TRIM44: variants seen among roughly 807,000 people sequenced by gnomAD.
TRIM44 encodes tripartite motif containing 44, also known as tripartite motif-containing protein 44.
In TRIM44, 13 loss-of-function variants were observed where a neutral mutation model predicts 37.4. That is an observed-to-expected ratio of 0.35 (90% confidence interval 0.23 to 0.55). TRIM44 has a LOEUF of 0.55. Ranked by LOEUF, TRIM44 falls within the 20% of genes least tolerant of loss-of-function variation. The probability of loss-of-function intolerance (pLI) is 0.89; values close to 1 mark genes in which losing one functional copy is unlikely to be tolerated. For synonymous variants in TRIM44, 175 were observed against 157.2 expected, an observed-to-expected ratio of 1.11 and a Z score of -0.85; for missense variants, 426 against 437.2, an observed-to-expected ratio of 0.97 and a Z score of 0.23.
At chr11:35,702,788 G>T (rs928248142) in intron 2 of TRIM44, among the ~76,000 whole-genome samples, 1 of 152,198 alleles carries the variant, frequency 6.6e-6, no homozygotes, top group Non-Finnish European at 1.5e-5. Context: ...AAAGATGGCC[G>T]AATAGGAACA....
At chr11:35,717,829 A>AT (rs112299891) in intron 2 of TRIM44, among the ~76,000 whole-genome samples, 150 of 146,248 alleles carry the variant, frequency 1.0e-3, no homozygotes, top group African/African-American at 2.4e-3. Flanking sequence ...TCAGAGCCTC[A>AT]TTTTTTTTTT....
chr11:35,662,961 G>A lies in TRIM44; in HGVS notation c.-151G>A. Reference sequence around the variant, plus strand: ...GCTGCGCCCGGGCAGGGGCTGCCGCGGCCCCAGGTCCCGCTTCGAGACGCG... The same window carrying A: ...GCTGCGCCCGGGCAGGGGCTGCCGCAGCCCCAGGTCCCGCTTCGAGACGCG... On this transcript the variant is annotated 5_prime_UTR_variant, in exon 1 of 5. Coordinates refer to ENST00000299413, the MANE Select transcript of TRIM44 (RefSeq NM_017583.6). 2 of 1,305,442 alleles carry A rather than the reference G, an allele frequency of 1.5e-6. No homozygotes were observed. Among genetic ancestry groups the A allele is most frequent in the African/African-American group, 3.1e-5 (2 of 64,898 alleles). The allele number at this position is 1,305,442 out of a possible 1,614,324, so 80.9% of individuals were successfully genotyped here.
Position 35,663,304 on chromosome 11 carries a change from C to CA in TRIM44, c.194dup (p.Ala66GlyfsTer7). ...TCTGGCCGAATACGTCCACGGCTCCCAGGCCTGGACCCCGCCAGCTGACGG... is the reference window on the plus strand; with the variant it reads ...TCTGGCCGAATACGTCCACGGCTCCCAAGGCCTGGACCCCGCCAGCTGACGG... On this transcript the variant is annotated frameshift_variant, in exon 1 of 5. Transcript: ENST00000299413. LOFTEE classifies it high-confidence loss of function. 2.5e-6 allele frequency: 4 copies of CA among 1,614,096 alleles called. No homozygotes were observed. Among genetic ancestry groups the CA allele is most frequent in the Non-Finnish European group, 3.4e-6 (4 of 1,180,016 alleles).
rs1204820399 is a variant in TRIM44, at chr11:35,816,963, C to T, written c.*10578C>T. On this transcript the variant is annotated 3_prime_UTR_variant, in exon 5 of 5. Transcript: ENST00000299413. ...TTCATAGCCCTCTGTACCACATCCC[C>T]ATGTACTTTTTCATATCAACGGTAA... 1 of 152,152 alleles carries T rather than the reference C, an allele frequency of 6.6e-6. No individual in the cohort carries two copies. The highest frequency in any genetic ancestry group is 1.5e-5 in the Non-Finnish European group (1 of 68,028). The allele number at this position is 152,152 out of a possible 1,614,324, so 9.4% of individuals were successfully genotyped here. A position where few individuals can be genotyped will look rare whatever the true frequency, so the allele number is the denominator to read the frequency against.
chr11:35,759,080 T>A (rs1379850240), intron 4 of TRIM44, among the ~76,000 whole-genome samples: 2 of 152,214 alleles, frequency 1.3e-5, no homozygotes, highest in South Asian at 2.1e-4. Flanking sequence ...TCCTGGATAA[T>A]ATCCTGCAGA....
Position 35,663,602 on chromosome 11 carries a change from A to C in TRIM44, c.491A>C (p.Asp164Ala). ...EGETEAESEF[D>A]PEIEMEAERV... ...GAAACTGAGGCAGAAAGTGAATTTGACCCAGAAATAGAAATGGAAGCAGAG... is the reference window on the plus strand; with the variant it reads ...GAAACTGAGGCAGAAAGTGAATTTGCCCCAGAAATAGAAATGGAAGCAGAG... The change falls in exon 1 of 5, where the codon GAC (aspartate) becomes GCC (alanine). Residue 164 changes from aspartate (D) to alanine (A), a missense_variant. Physicochemically the swap from Asp to Ala is moderately radical, Grantham distance 126. Around this residue, in one of 2 missense-constraint regions of TRIM44, gnomAD observed 331 missense variants for 303.0 expected, o/e 1.09. Coordinates refer to ENST00000299413, the MANE Select transcript of TRIM44 (RefSeq NM_017583.6). 6.2e-7 allele frequency: 1 copy of C among 1,614,112 alleles called. No homozygotes were observed. Among genetic ancestry groups the C allele is most frequent in the Non-Finnish European group, 8.5e-7 (1 of 1,180,036 alleles).
intron 4 of TRIM44, among the ~76,000 whole-genome samples, chr11:35,773,068 A>G (rs1349041894): frequency 6.6e-6 from 1 of 152,182 alleles, no homozygotes; most frequent in Non-Finnish European, 1.5e-5. Context: ...AATAAGGCTC[A>G]CAAGATCTGA....
chr11:35,689,032 G>A (rs1197179900), intron 2 of TRIM44, among the ~76,000 whole-genome samples: 1 of 152,210 alleles, frequency 6.6e-6, no homozygotes, highest in Non-Finnish European at 1.5e-5. Context: ...AGCAGAGGTA[G>A]GAAAGGAGTA....
Position 35,663,036 on chromosome 11 carries a change from G to A in TRIM44, c.-76G>A, listed in dbSNP as rs747076335. 5 of 1,441,728 alleles carry A rather than the reference G, an allele frequency of 3.5e-6. No individual in the cohort carries two copies. In the African/African-American group the frequency reaches 7.1e-5, roughly 21 times the overall value. The allele number at this position is 1,441,728 out of a possible 1,614,324, so 89.3% of individuals were successfully genotyped here. A position where few individuals can be genotyped will look rare whatever the true frequency, so the allele number is the denominator to read the frequency against. On this transcript the variant is annotated 5_prime_UTR_variant, in exon 1 of 5. Transcript: ENST00000299413. ...CCCTAGGAAGGGACCCGGGGCGGGAGGAGGAAGTGAGGCCGCGCGGAAGGA... is the reference window on the plus strand; with the variant it reads ...CCCTAGGAAGGGACCCGGGGCGGGAAGAGGAAGTGAGGCCGCGCGGAAGGA...
At chr11:35,711,870 C>T in intron 2 of TRIM44, among the ~76,000 whole-genome samples, 1 of 152,146 alleles carries the variant, frequency 6.6e-6, no homozygotes, top group East Asian at 1.9e-4. Context: ...ACCTTCCTCC[C>T]CACAAAGTTC....
chr11:35,776,307 C>G (rs1852960810), intron 4 of TRIM44, among the ~76,000 whole-genome samples: 1 of 152,114 alleles, frequency 6.6e-6, no homozygotes, highest in Admixed American at 6.6e-5. Flanking sequence ...GTGGTGATAT[C>G]CTCTTCATCA....
chr11:35,745,987 T>G (rs566865708), intron 4 of TRIM44, among the ~76,000 whole-genome samples: 13 of 152,318 alleles, frequency 8.5e-5, no homozygotes, highest in Non-Finnish European at 1.0e-4. Flanking sequence ...CTGCTGTAGT[T>G]TAGTTCCTTC....
At chr11:35,702,516 G>A (rs2086674122) in intron 2 of TRIM44, among the ~76,000 whole-genome samples, 1 of 152,288 alleles carries the variant, frequency 6.6e-6, no homozygotes, top group East Asian at 1.9e-4. Flanking sequence ...TCTTTATTGA[G>A]CGCCAGCTGT....
chr11:35,774,121 T>C (rs961555902), intron 4 of TRIM44, among the ~76,000 whole-genome samples: 3 of 152,218 alleles, frequency 2.0e-5, no homozygotes, highest in Admixed American at 6.5e-5. Context: ...CTCCACATCC[T>C]CTCCAGCACG....
At chr11:35,788,826 TG>T (rs1402624422) in intron 4 of TRIM44, among the ~76,000 whole-genome samples, 1 of 152,128 alleles carries the variant, frequency 6.6e-6, no homozygotes, top group African/African-American at 2.4e-5. Flanking sequence ...TAAGGAGAGG[TG>T]GCTGGAGAAG....
At chr11:35,697,599 C>T (rs564156301) in intron 2 of TRIM44, among the ~76,000 whole-genome samples, 47 of 151,758 alleles carry the variant, frequency 3.1e-4, no homozygotes, top group African/African-American at 1.0e-3. Context: ...GCTATCCCTC[C>T]CCGCTCCCCA....
chr11:35,799,278 A>C (rs1336887494), intron 4 of TRIM44, among the ~76,000 whole-genome samples: 2 of 152,244 alleles, frequency 1.3e-5, no homozygotes, highest in African/African-American at 4.8e-5. Context: ...AATAGGCTGC[A>C]AGGTACATGG....
chr11:35,804,506 G>T (rs1232072877), intron 4 of TRIM44, among the ~76,000 whole-genome samples: 1 of 152,198 alleles, frequency 6.6e-6, no homozygotes, highest in Non-Finnish European at 1.5e-5. Flanking sequence ...ATGCTAAAAA[G>T]TGAACTGCAG....
chr11:35,743,723 C>T (rs1383269172), intron 4 of TRIM44, among the ~76,000 whole-genome samples: 1 of 152,040 alleles, frequency 6.6e-6, no homozygotes, highest in Non-Finnish European at 1.5e-5. Flanking sequence ...TGTTTGTGAC[C>T]CACTAAAATG....
Sources: gnomAD v4.1 joint callset for allele counts (sites outside exome capture counted in the v4.1 genomes callset) on GRCh38, gnomAD v4.1.1 for gene constraint, gnomAD v4.1.1 regional missense constraint, MANE v1.5 for transcripts, NCBI Gene and HGNC (gene_info 2026-07-23, HGNC 2026-07-21) for gene names.